The following MACROD2 variants were observed in gnomAD, a reference collection of about 807,000 sequenced individuals.
The protein encoded by MACROD2 is mono-ADP ribosylhydrolase 2.
A neutral mutation model predicts 70.4 loss-of-function variants in MACROD2; 36 were observed. The observed-to-expected ratio is 0.51, with a 90% confidence interval of 0.39 to 0.68. The LOEUF (loss-of-function observed/expected upper bound fraction) is 0.68. Ranked by LOEUF, MACROD2 falls within the 30% of genes least tolerant of loss-of-function variation. The probability of loss-of-function intolerance (pLI) is 0.00; values close to 1 mark genes in which losing one functional copy is unlikely to be tolerated. For missense variants in MACROD2, 496 were observed against 538.4 expected (o/e 0.92, Z 0.78); for synonymous variants, 172 against 178.8 (o/e 0.96, Z 0.30).
At chr20:14,321,863 A>G (rs1418844089) in intron 3 of MACROD2, among the ~76,000 whole-genome samples, 2 of 152,174 alleles carry the variant, frequency 1.3e-5, no homozygotes, top group Non-Finnish European at 2.9e-5. Flanking sequence ...GGGAGCAAGA[A>G]TAAGTGCAGT....
intron 5 of MACROD2, among the ~76,000 whole-genome samples, chr20:15,097,282 G>T (rs973291717): frequency 6.6e-6 from 1 of 152,088 alleles, no homozygotes; most frequent in Admixed American, 6.5e-5. Flanking sequence ...TGTACTATTT[G>T]TTTCTGTATG....
intron 3 of MACROD2, among the ~76,000 whole-genome samples, chr20:14,359,921 GA>G (rs981381291): frequency 6.7e-6 from 1 of 149,212 alleles, no homozygotes; most frequent in Admixed American, 6.7e-5. Context: ...ATTCAGCTTT[GA>G]AAAAAAAATG....
chr20:15,218,042 A>C (rs2076826299), intron 5 of MACROD2, among the ~76,000 whole-genome samples: 1 of 152,192 alleles, frequency 6.6e-6, no homozygotes, highest in Non-Finnish European at 1.5e-5. Flanking sequence ...AAAGTTAAAA[A>C]AGAAAACCTG....
chr20:14,534,384 C>T lies in MACROD2; in HGVS notation c.301+40876C>T, dbSNP rs768325790. On this transcript the variant is annotated intron_variant, in intron 4 of 17. Transcript: ENST00000684519. Reference sequence around the variant, plus strand: ...ACTTTAAGAAAGGAGGATATGCTGACGTTCAAATATAAATATGTATTATGT... The same window carrying T: ...ACTTTAAGAAAGGAGGATATGCTGATGTTCAAATATAAATATGTATTATGT... Among the ~76,000 whole-genome samples, 259 of 152,128 alleles carry T rather than the reference C, an allele frequency of 1.7e-3. 6 individuals carry two copies. Among genetic ancestry groups the T allele is most frequent in the Non-Finnish European group, 6.3e-4 (43 of 68,024 alleles).
intron 5 of MACROD2, among the ~76,000 whole-genome samples, chr20:15,122,129 A>G (rs1277742751): frequency 6.6e-6 from 1 of 152,190 alleles, no homozygotes; most frequent in African/African-American, 2.4e-5. Flanking sequence ...GATGAGAGAA[A>G]ATTTAGGTAT....
chr20:15,313,430 C>T lies in MACROD2; in HGVS notation c.540+83369C>T, dbSNP rs1318017696. Among the ~76,000 whole-genome samples, 3 of 149,798 alleles carry T rather than the reference C, an allele frequency of 2.0e-5. No individual in the cohort carries two copies. In the Admixed American group the frequency reaches 2.0e-4, roughly 10 times the overall value. Reference sequence around the variant, plus strand: ...GCTGAGGCAGGAGAATGGCATGATCCTGGGAGACGGATCTTGCAGTGAGCC... The same window carrying T: ...GCTGAGGCAGGAGAATGGCATGATCTTGGGAGACGGATCTTGCAGTGAGCC... On this transcript the variant is annotated intron_variant, in intron 6 of 17. Transcript: ENST00000684519.
intron 3 of MACROD2, among the ~76,000 whole-genome samples, chr20:14,206,033 G>A (rs182112058): frequency 3.3e-5 from 5 of 152,262 alleles, no homozygotes; most frequent in Non-Finnish European, 7.3e-5. Context: ...GGTAATCTGT[G>A]TAATGTGTAG....
chr20:14,440,863 A>G (rs2084114256), intron 3 of MACROD2, among the ~76,000 whole-genome samples: 1 of 152,136 alleles, frequency 6.6e-6, no homozygotes, highest in Non-Finnish European at 1.5e-5. Context: ...TCTATTCCAT[A>G]GAGTACCTTT....
chr20:14,416,881 G>C lies in MACROD2; in HGVS notation c.272-76598G>C, dbSNP rs181180950. On this transcript the variant is annotated intron_variant, in intron 3 of 17. Coordinates refer to ENST00000684519, the MANE Select transcript of MACROD2 (RefSeq NM_001351661.2). ...CCCATTTCCCTGGATTTGGAATCTG[G>C]TGGTTTTGCATTTGCCAGGGCAAGG... Among the ~76,000 whole-genome samples the C allele has an allele frequency of 2.2e-3, 330 of 152,282 alleles. 1 individual carries two copies. Among genetic ancestry groups the C allele is most frequent in the Admixed American group, 5.4e-3 (83 of 15,286 alleles).
chr20:14,080,102 A>C (rs1399136187), intron 2 of MACROD2, among the ~76,000 whole-genome samples: 1 of 152,070 alleles, frequency 6.6e-6, no homozygotes, highest in Non-Finnish European at 1.5e-5. Context: ...TATAGGAAAA[A>C]TATGGTAGTG....
chr20:14,292,703 C>T (rs918385809), intron 3 of MACROD2, among the ~76,000 whole-genome samples: 5 of 151,358 alleles, frequency 3.3e-5, no homozygotes, highest in South Asian at 2.1e-4. Flanking sequence ...GGTGTGATCT[C>T]GGCTCACTGC....
At chr20:14,790,818 C>G (rs1600667322) in intron 5 of MACROD2, among the ~76,000 whole-genome samples, 1 of 152,074 alleles carries the variant, frequency 6.6e-6, no homozygotes, top group South Asian at 2.1e-4. Context: ...ATGCTTTCAT[C>G]TGCTCCACTG....
At chr20:15,333,817 G>A (rs1381282275) in intron 6 of MACROD2, among the ~76,000 whole-genome samples, 1 of 151,552 alleles carries the variant, frequency 6.6e-6, no homozygotes, top group Non-Finnish European at 1.5e-5. Context: ...CAGAAAAAAG[G>A]GAGCAACGAA....
intron 1 of MACROD2, among the ~76,000 whole-genome samples, chr20:13,997,659 T>C (rs1601092867): frequency 6.6e-6 from 1 of 152,216 alleles, no homozygotes; most frequent in East Asian, 1.9e-4. Flanking sequence ...ATGGAGAATA[T>C]ATAACCAATT....
intron 2 of MACROD2, among the ~76,000 whole-genome samples, chr20:14,007,939 T>C (rs1019366488): frequency 1.3e-5 from 2 of 152,118 alleles, no homozygotes; most frequent in Non-Finnish European, 2.9e-5. Flanking sequence ...TAGGTGAAAA[T>C]TATAAAATTA....
At chr20:14,095,365 G>C (rs1458904252) in intron 3 of MACROD2, among the ~76,000 whole-genome samples, 1 of 152,146 alleles carries the variant, frequency 6.6e-6, no homozygotes, top group African/African-American at 2.4e-5. Context: ...TGAGAGACTG[G>C]AATTAAAGAC....
chr20:15,968,506 C>T lies in MACROD2; in HGVS notation c.985+876C>T, dbSNP rs570398412. ...AACTCAAGACTGAGGAAGGCACATT[C>T]GAAAGGGACTATATGGTAAGAGACT... is the stretch of plus-strand genomic sequence containing the variant. On this transcript the variant is annotated intron_variant, in intron 13 of 17. Transcript: ENST00000684519. 6.6e-5 allele frequency among the ~76,000 whole-genome samples: 10 copies of T among 151,826 alleles called. No individual in the cohort carries two copies. In the South Asian group the frequency reaches 8.3e-4, roughly 13 times the overall value.
At chr20:15,581,793 CTA>C (rs1216193958) in intron 8 of MACROD2, among the ~76,000 whole-genome samples, 1 of 152,030 alleles carries the variant, frequency 6.6e-6, no homozygotes, top group Non-Finnish European at 1.5e-5. Flanking sequence ...GAGCTGGGGA[CTA>C]TGTTATGTGA....
chr20:15,605,490 A>C (rs1252428893), intron 8 of MACROD2, among the ~76,000 whole-genome samples: 1 of 99,478 alleles, frequency 1.0e-5, no homozygotes, highest in Non-Finnish European at 1.9e-5. Context: ...GTGTGTGTGT[A>C]TCAGTGTTGG....
Sources: allele counts gnomAD v4.1 joint callset (sites outside exome capture counted in the v4.1 genomes callset), GRCh38; gene constraint gnomAD v4.1.1; transcripts MANE v1.5; gene names NCBI Gene and HGNC (gene_info 2026-07-23, HGNC 2026-07-21).